The following NELL1 variants were observed in gnomAD, a reference collection of about 807,000 sequenced individuals.
The protein encoded by NELL1 is neural EGFL like 1.
NELL1 carries 76 observed loss-of-function variants against 107.4 expected under a neutral mutation model. The ratio of observed to expected loss-of-function variants is 0.71; its 90% confidence interval spans 0.59 to 0.86. The LOEUF (loss-of-function observed/expected upper bound fraction) is 0.86, where lower values mean the gene tolerates loss of function less well. Among genes scored for constraint, NELL1 ranks in the 40% least tolerant of loss-of-function variants. NELL1 has a pLI of 0.00. For missense variants in NELL1, 1,024 were observed against 1,005.5 expected, an observed-to-expected ratio of 1.02 and a Z score of -0.25; for synonymous variants, 353 against 341.2, an observed-to-expected ratio of 1.03 and a Z score of -0.38.
chr11:21,201,000 TG>T (rs1857257166), intron 13 of NELL1, among the ~76,000 whole-genome samples: 1 of 152,232 alleles, frequency 6.6e-6, no homozygotes, highest in South Asian at 2.1e-4. Context: ...ATATCTGTTT[TG>T]GTACCAGTAC....
intron 12 of NELL1, among the ~76,000 whole-genome samples, chr11:20,988,494 CAT>C (rs912575217): frequency 3.0e-5 from 4 of 135,564 alleles, no homozygotes; most frequent in Admixed American, 1.5e-4. Flanking sequence ...TACACATGTA[CAT>C]ATATGTGTGT....
At chr11:21,117,071 C>G (rs1172340829) in intron 13 of NELL1, among the ~76,000 whole-genome samples, 3 of 151,842 alleles carry the variant, frequency 2.0e-5, no homozygotes, top group Non-Finnish European at 1.5e-5. Context: ...ATGTAACAAG[C>G]TTGTTTCTGT....
chr11:21,124,971 A>T (rs2133748240), intron 13 of NELL1, among the ~76,000 whole-genome samples: 1 of 152,198 alleles, frequency 6.6e-6, no homozygotes, highest in Non-Finnish European at 1.5e-5. Context: ...CTCCTTTATA[A>T]GGGCACTAAT....
At chr11:21,107,595 G>A (rs570733616) in intron 12 of NELL1, among the ~76,000 whole-genome samples, 1 of 152,254 alleles carries the variant, frequency 6.6e-6, no homozygotes, top group South Asian at 2.1e-4. Flanking sequence ...AAGAAATAGT[G>A]TGGGGGCTCG....
At chr11:21,537,441 C>T (rs554023589) in intron 16 of NELL1, among the ~76,000 whole-genome samples, 2 of 152,220 alleles carry the variant, frequency 1.3e-5, no homozygotes, top group East Asian at 3.9e-4. Flanking sequence ...TTACTGTTCT[C>T]TCTGTCTGGA....
At chr11:20,677,263 G>C (rs1854082111) in intron 1 of NELL1, among the ~76,000 whole-genome samples, 1 of 152,110 alleles carries the variant, frequency 6.6e-6, no homozygotes. Flanking sequence ...CCTTAACACA[G>C]GTGATTGTGA....
intron 2 of NELL1, among the ~76,000 whole-genome samples, chr11:20,732,890 G>T (rs994275092): frequency 6.6e-6 from 1 of 152,098 alleles, no homozygotes; most frequent in African/African-American, 2.4e-5. Flanking sequence ...GAAATGCCAG[G>T]TACCATTCCA....
At chr11:21,120,253 G>A (rs948928106) in intron 13 of NELL1, among the ~76,000 whole-genome samples, 2 of 152,080 alleles carry the variant, frequency 1.3e-5, no homozygotes, top group Admixed American at 6.6e-5. Context: ...GTAATAGTTA[G>A]TTGTTAGAAA....
chr11:21,284,195 A>G (rs888527117), intron 14 of NELL1: 2 of 455,524 alleles, frequency 4.4e-6, no homozygotes, highest in Non-Finnish European at 8.8e-6. Context: ...CATGTTGCAT[A>G]CCACCCTAGA....
intron 15 of NELL1, among the ~76,000 whole-genome samples, chr11:21,534,132 AT>A (rs1310522030): frequency 2.0e-5 from 3 of 152,134 alleles, no homozygotes; most frequent in African/African-American, 2.4e-5. Flanking sequence ...TTGAGTTAGG[AT>A]TTTTTTGTGA....
chr11:21,490,836 C>A (rs1344076974), intron 15 of NELL1, among the ~76,000 whole-genome samples: 1 of 151,994 alleles, frequency 6.6e-6, no homozygotes, highest in Admixed American at 6.6e-5. Flanking sequence ...AGACCTGAAA[C>A]TATAAAACTG....
chr11:21,333,253 T>C (rs928400193), intron 14 of NELL1, among the ~76,000 whole-genome samples: 2 of 149,468 alleles, frequency 1.3e-5, no homozygotes, highest in Non-Finnish European at 3.0e-5. Context: ...TTTAAGACAA[T>C]GGATACCATG....
intron 12 of NELL1, among the ~76,000 whole-genome samples, chr11:21,062,898 G>T (rs990049123): frequency 6.6e-6 from 1 of 152,102 alleles, no homozygotes; most frequent in Admixed American, 6.5e-5. Context: ...CACAATCTCA[G>T]CTCACTGCAA....
At chr11:21,280,335 A>C (rs1204173204) in intron 14 of NELL1, among the ~76,000 whole-genome samples, 1 of 152,212 alleles carries the variant, frequency 6.6e-6, no homozygotes, top group African/African-American at 2.4e-5. Context: ...TTTAACAATT[A>C]TCTGTGCAAA....
At chr11:20,719,835 C>T (rs1855337975) in intron 2 of NELL1, among the ~76,000 whole-genome samples, 1 of 152,096 alleles carries the variant, frequency 6.6e-6, no homozygotes, top group African/African-American at 2.4e-5. Context: ...TGGTATGTAC[C>T]AGGAACCATA....
At chr11:21,076,983 C>T (rs1854151641) in intron 12 of NELL1, among the ~76,000 whole-genome samples, 1 of 152,088 alleles carries the variant, frequency 6.6e-6, no homozygotes. Context: ...CCAAATAAAC[C>T]TCTTTTCTTT....
At chr11:21,334,264 T>C (rs2073934165) in intron 14 of NELL1, among the ~76,000 whole-genome samples, 1 of 152,022 alleles carries the variant, frequency 6.6e-6, no homozygotes, top group Non-Finnish European at 1.5e-5. Flanking sequence ...GCCAGGAGTC[T>C]AAAACTATTT....
intron 3 of NELL1, among the ~76,000 whole-genome samples, chr11:20,843,469 C>T (rs373681781): frequency 1.8e-4 from 20 of 112,160 alleles, no homozygotes; most frequent in East Asian, 6.7e-4. Context: ...CTAAAATTAA[C>T]TTTTACTGTT....
chr11:20,789,981 G>A (rs979802229), intron 3 of NELL1, among the ~76,000 whole-genome samples: 1 of 152,190 alleles, frequency 6.6e-6, no homozygotes, highest in African/African-American at 2.4e-5. Context: ...TCCTTCTGAT[G>A]TCTGCTCAGC....
Sources: allele counts gnomAD v4.1 joint callset (sites outside exome capture counted in the v4.1 genomes callset), GRCh38; gene constraint gnomAD v4.1.1; transcripts MANE v1.5; gene names NCBI Gene and HGNC (gene_info 2026-07-23, HGNC 2026-07-21).